ABCC6: variants seen among roughly 807,000 people sequenced by gnomAD.
ABCC6 encodes the protein ATP binding cassette subfamily C member 6, also known as ATP-binding cassette sub-family C member 6.
A neutral mutation model predicts 169.5 loss-of-function variants in ABCC6; 126 were observed. The ratio of observed to expected loss-of-function variants is 0.74; its 90% CI spans 0.64 to 0.86. The LOEUF (loss-of-function observed/expected upper bound fraction) is 0.86, where lower values mean the gene tolerates loss of function less well. Among genes scored for constraint, ABCC6 ranks in the 40% least tolerant of loss-of-function variants. The pLI, the probability that ABCC6 is intolerant of heterozygous loss-of-function variation, is 0.00. For synonymous variants in ABCC6, 752 were observed against 814.7 expected (o/e 0.92, Z 1.31); for missense variants, 1,733 against 1,927.2 (o/e 0.90, Z 1.89).
intron 21 of ABCC6, among the ~76,000 whole-genome samples, chr16:16,171,796 T>G (rs1056312885): frequency 8.6e-5 from 13 of 151,024 alleles, no homozygotes; most frequent in African/African-American, 2.9e-4. Flanking sequence ...GTGGATGGGA[T>G]GGACAGATAA....
intron 21 of ABCC6, among the ~76,000 whole-genome samples, chr16:16,170,103 T>TTTG (rs907956331): frequency 6.6e-6 from 1 of 151,322 alleles, no homozygotes; most frequent in Non-Finnish European, 1.5e-5. Context: ...CTTTTGTTTT[T>TTTG]TTTTTGAGGA....
In ABCC6 at chr16:16,187,909, AAATAAAT is replaced by A. The variant is rs1567509773; in HGVS notation, c.1780-705_1780-699del. Reference sequence around the variant, plus strand: ...GAGACACTGTCTCAATAAATAAATTAAATAAATAAATAAATAAATAAATAAATAAATA... The same window carrying A: ...GAGACACTGTCTCAATAAATAAATTAAAATAAATAAATAAATAAATAAATA... On this transcript the variant is annotated intron_variant, in intron 13 of 30. Coordinates refer to ENST00000205557, the MANE Select transcript of ABCC6 (RefSeq NM_001171.6). Among the ~76,000 whole-genome samples, 255 of 88,256 alleles carry A rather than the reference AAATAAAT, an allele frequency of 2.9e-3. 1 individual carries two copies. The highest frequency in any genetic ancestry group is 7.3e-3 in the African/African-American group (202 of 27,560). 57.9% of individuals were successfully genotyped at this position (88,256 alleles called of 152,430 possible). A position where few individuals can be genotyped will look rare whatever the true frequency, so the allele number is the denominator to read the frequency against.
rs63750622 is a variant in ABCC6, at chr16:16,154,898, C to T, written c.4016G>A (p.Arg1339His). 32 of 1,611,964 alleles carry T rather than the reference C, an allele frequency of 2.0e-5. No individual in the cohort carries two copies. The highest frequency in any genetic ancestry group is 4.5e-5 in the East Asian group (2 of 44,780). Residue 1339 changes from arginine (R) to histidine (H), a missense_variant, in exon 28 of 31, where the codon CGC becomes CAC. Physicochemically the swap from Arg to His is conservative, Grantham distance 29. Around this residue, in one of 5 missense-constraint regions of ABCC6, gnomAD observed 1,601 missense variants for 1,635.5 expected, o/e 0.98. Transcript: ENST00000205557. The part of the protein sequence containing the change: ...PIAHVGLHTL[R>H]SRISIIPQDP... ...CTGGGGGATGATGCTGATCCTGGAG[C>T]GCAGTGTGTGCAGCCCCACGTGGGC...
chr16:16,203,300 C>G, intron 8 of ABCC6, 110 bp downstream of exon 8: 3 of 1,541,190 alleles, frequency 1.9e-6, no homozygotes, highest in Non-Finnish European at 2.7e-6. Flanking sequence ...TCCAGTGTCC[C>G]GAGCACCAGA....
At chr16:16,173,176 G>C in intron 21 of ABCC6, 108 bp downstream of exon 21, 1 of 1,488,172 alleles carries the variant, frequency 6.7e-7, no homozygotes. Context: ...CATAGTAGGT[G>C]CTCAAGAAAG....
chr16:16,189,421 T>C (rs1236337826), intron 12 of ABCC6, among the ~76,000 whole-genome samples: 1 of 78,958 alleles, frequency 1.3e-5, no homozygotes, highest in Admixed American at 1.3e-4. Context: ...TTGTGGTGCT[T>C]TTTTTTTTTT....
Position 16,154,863 on chromosome 16 carries a change from C to T in ABCC6, c.4041+10G>A, listed in dbSNP as rs757074599. On this transcript the variant is annotated intron_variant, in intron 28 of 30. Coordinates refer to ENST00000205557, the MANE Select transcript of ABCC6 (RefSeq NM_001171.6). Reference sequence around the variant, plus strand: ...CTCCCATCTTTGCCCACCCCCTCCACCAGCCTCACCTGGGGGATGATGCTG... The same window carrying T: ...CTCCCATCTTTGCCCACCCCCTCCATCAGCCTCACCTGGGGGATGATGCTG... The T allele has an allele frequency of 6.2e-7, 1 of 1,612,326 alleles. No individual in the cohort carries two copies. Among genetic ancestry groups the T allele is most frequent in the East Asian group, 2.2e-5 (1 of 44,804 alleles).
intron 20 of ABCC6, 96 bp from the exon 21 acceptor site, chr16:16,173,500 T>G: frequency 7.0e-7 from 1 of 1,434,324 alleles, no homozygotes; most frequent in Non-Finnish European, 9.8e-7. Flanking sequence ...CACTGAGCTC[T>G]GGGTACACTC....
intron 13 of ABCC6, among the ~76,000 whole-genome samples, chr16:16,187,907 TTAAATAAATAAATAAA>T (rs200447479): frequency 2.0e-4 from 17 of 86,298 alleles, no homozygotes; most frequent in Admixed American, 1.3e-3. Context: ...AATAAATAAA[TTAAATAAATAAATAAA>T]TAAATAAATA....
rs201884545 is a variant in ABCC6, at chr16:16,177,512, T to G, written c.2530A>C (p.Lys844Gln). 35 of 1,613,982 alleles carry G rather than the reference T, an allele frequency of 2.2e-5. No individual in the cohort carries two copies. Among genetic ancestry groups the G allele is most frequent in the Middle Eastern group, 1.7e-4 (1 of 6,060 alleles). ...MGSYQELLQRKGALMCLLDQA... is the reference protein window; with the variant it reads ...MGSYQELLQRQGALMCLLDQA... The stretch of plus-strand genomic sequence containing the variant: ...TCCAGAAGACACATGAGGGCCCCCT[T>G]CCTCTGCAGAAGCTCCTGGTAGGAA... The change falls in exon 19 of 31, where the codon AAG becomes CAG. Residue 844 changes from lysine (K) to glutamine (Q), a missense_variant. Transcript: ENST00000205557.
chr16:16,173,956 T>C lies in ABCC6; in HGVS notation c.2667-552A>G, dbSNP rs941908567. Among the ~76,000 whole-genome samples, 4 of 152,246 alleles carry C rather than the reference T, an allele frequency of 2.6e-5. No individual in the cohort carries two copies. The East Asian group carries it at 5.8e-4, about 22-fold the overall frequency. ...CACAATTCAGATGCTAAAGACTCTT[T>C]GAATGTTTTATCTGTGGATGAGTGG... On this transcript the variant is annotated intron_variant, in intron 20 of 30. Transcript: ENST00000205557.
intron 18 of ABCC6, 37 bp from the exon 19 acceptor site, chr16:16,177,663 C>T (rs546713281): frequency 6.2e-7 from 1 of 1,611,806 alleles, no homozygotes; most frequent in African/African-American, 1.3e-5. Flanking sequence ...ACACATGTGG[C>T]CGGGTGCAGT....
At chr16:16,192,786 C>T (rs774948727) in intron 11 of ABCC6, 44 bp downstream of exon 11, 14 of 1,562,378 alleles carry the variant, frequency 9.0e-6, no homozygotes, top group Non-Finnish European at 1.2e-5. Flanking sequence ...CTGTGGCTTC[C>T]TCCCTACTTC....
chr16:16,191,702 C>T (rs1266599191), intron 11 of ABCC6, among the ~76,000 whole-genome samples: 4 of 145,986 alleles, frequency 2.7e-5, no homozygotes, highest in South Asian at 2.2e-4. Context: ...CCTTCTCTTC[C>T]GCCCTCAATT....
At position 16,165,931 on chromosome 16, in the gene ABCC6, T is replaced by A; in HGVS notation, c.2998A>T (p.Ile1000Phe). The A allele has an allele frequency of 6.2e-7, 1 of 1,612,724 alleles. No homozygotes were observed. Among genetic ancestry groups the A allele is most frequent in the Non-Finnish European group, 8.5e-7 (1 of 1,179,890 alleles). ...GCAGCCATGGAGGCAAACAGCCCAA[T>A]GGCTGGGGAGGGAGAGGAGGTAAGA... The part of the protein sequence containing the change: ...IFGLLGCLQA[I>F]GLFASMAAVL... Residue 1000 changes from isoleucine (I) to phenylalanine (F), a missense_variant and splice_region_variant, in exon 23 of 31, where the codon ATT becomes TTT. By Grantham distance (21) the Ile-to-Phe change is conservative. This residue lies in a region of ABCC6 where 1,601 missense variants were observed against 1,635.5 expected (regional missense o/e 0.98). Coordinates refer to ENST00000205557, the MANE Select transcript of ABCC6 (RefSeq NM_001171.6).
chr16:16,194,399 T>G (rs1195564386), intron 10 of ABCC6, among the ~76,000 whole-genome samples: 1 of 152,228 alleles, frequency 6.6e-6, no homozygotes, highest in African/African-American at 2.4e-5. Flanking sequence ...ATTCTTCCGT[T>G]TGTCTGAAAC....
At chr16:16,220,504 G>C (rs1440892890) in intron 2 of ABCC6, 1 of 157,712 alleles carries the variant, frequency 6.3e-6, no homozygotes, top group African/African-American at 2.4e-5. Flanking sequence ...GCAGAAGTTG[G>C]CAAACTATCA....
intron 27 of ABCC6, among the ~76,000 whole-genome samples, chr16:16,156,052 A>T (rs779341062): frequency 5.5e-4 from 84 of 152,148 alleles, no homozygotes; most frequent in Non-Finnish European, 2.1e-4. Context: ...AGTAGCTGGG[A>T]CTGCAGGTGC....
intron 6 of ABCC6, 94 bp from the exon 7 acceptor site, chr16:16,208,953 C>G (rs2048497787): frequency 6.2e-7 from 1 of 1,603,202 alleles, no homozygotes; most frequent in Non-Finnish European, 8.5e-7. Flanking sequence ...GGGTAAGTCA[C>G]TTTACCTCTC....
Sources: gnomAD v4.1 joint callset for allele counts (sites outside exome capture counted in the v4.1 genomes callset) on GRCh38, gnomAD v4.1.1 for gene constraint, gnomAD v4.1.1 regional missense constraint, MANE v1.5 for transcripts, NCBI Gene and HGNC (gene_info 2026-07-23, HGNC 2026-07-21) for gene names.